Variants in DESI1 observed in about 807,000 individuals in gnomAD.
DESI1 encodes desumoylating isopeptidase 1.
Under a neutral mutation model 22.4 loss-of-function variants are expected in DESI1, and 17 were observed. The observed-to-expected ratio is 0.76, with a 90% CI of 0.52 to 1.14. The LOEUF is 1.14. Among genes scored for constraint, DESI1 ranks in the 50% most tolerant of loss-of-function variants. The pLI, the probability that DESI1 is intolerant of heterozygous loss-of-function variation, is 0.00. For missense variants in DESI1, 177 were observed against 208.9 expected, an observed-to-expected ratio of 0.85 and a Z score of 0.94; for synonymous variants, 92 against 84.2, an observed-to-expected ratio of 1.09 and a Z score of -0.51.
chr22:41,610,109 C>T (rs1419267425), intron 1 of DESI1, among the ~76,000 whole-genome samples: 11 of 123,334 alleles, frequency 8.9e-5, no homozygotes, highest in Admixed American at 3.3e-4. Flanking sequence ...AGACAAGGTA[C>T]GGTGGCTCAC....
At chr22:41,604,969 G>C (rs2147039545) in intron 3 of DESI1, among the ~76,000 whole-genome samples, 1 of 152,196 alleles carries the variant, frequency 6.6e-6, no homozygotes, top group East Asian at 1.9e-4. Flanking sequence ...TTGCAGCTCT[G>C]ACTCCTGATG....
chr22:41,619,350 A>T (rs973492013), intron 1 of DESI1, among the ~76,000 whole-genome samples: 1 of 152,226 alleles, frequency 6.6e-6, no homozygotes, highest in African/African-American at 2.4e-5. Flanking sequence ...TTAAATAGAT[A>T]TTATGTGTAT....
intron 1 of DESI1, among the ~76,000 whole-genome samples, chr22:41,618,479 C>T (rs2067563117): frequency 6.6e-6 from 1 of 152,118 alleles, no homozygotes; most frequent in African/African-American, 2.4e-5. Flanking sequence ...TTAATGTCTC[C>T]CCCATTAGAT....
chr22:41,602,468 G>T, intron 5 of DESI1: 1 of 985,468 alleles, frequency 1.0e-6, no homozygotes, highest in Non-Finnish European at 1.2e-6. Context: ...CTCTTCCTGG[G>T]AGGTGCTTCC....
chr22:41,601,132 C>G lies in DESI1; in HGVS notation c.472G>C (p.Gly158Arg). The G allele has an allele frequency of 6.2e-7, 1 of 1,613,460 alleles. No individual in the cohort carries two copies. Reference protein sequence around the residue: ...LDSIQIQPPGGSSVGRPNGQS With the variant: ...LDSIQIQPPGRSSVGRPNGQS ...CCGTTGGGTCTGCCCACGGAGCTCC[C>G]TCCTGGAGGCTGGATCTGAATGGAG... The change falls in exon 6 of 6, where the codon GGG becomes CGG. Residue 158 changes from glycine (G) to arginine (R), a missense_variant. Gly to Arg is a moderately radical substitution (Grantham distance 125, BLOSUM62 -2). Coordinates refer to ENST00000263256, the MANE Select transcript of DESI1 (RefSeq NM_015704.3).
intron 1 of DESI1, among the ~76,000 whole-genome samples, chr22:41,620,229 A>G (rs1007680405): frequency 2.6e-5 from 4 of 151,906 alleles, no homozygotes; most frequent in African/African-American, 9.7e-5. Flanking sequence ...AGGCAGCTCT[A>G]TCTCCCCCAT....
Position 41,620,773 on chromosome 22 carries a change from G to A in DESI1, c.67C>T (p.Arg23Trp), listed in dbSNP as rs1291756026. Residue 23 changes from arginine to tryptophan, a missense_variant, in exon 1 of 6, where the codon CGG (arginine) becomes TGG (tryptophan). Transcript: ENST00000263256. ...TCACCCAGCATGATGGGGCTGAGCC[G>A]CCGGGCCAGGCCTTTGGACAGGTCG... ...VYDLSKGLARRLSPIMLGKQL... is the reference protein window; with the variant it reads ...VYDLSKGLARWLSPIMLGKQL... 3 of 1,611,486 alleles carry A rather than the reference G, an allele frequency of 1.9e-6. No individual in the cohort carries two copies. The highest frequency in any genetic ancestry group is 3.3e-4 in the Middle Eastern group (2 of 6,054).
intron 1 of DESI1, among the ~76,000 whole-genome samples, chr22:41,615,520 A>G (rs778071275): frequency 6.6e-6 from 1 of 152,260 alleles, no homozygotes; most frequent in Non-Finnish European, 1.5e-5. Context: ...TGATTATTAA[A>G]TTAATTCATT....
rs527929219 is a variant in DESI1 at position 41,619,873 on chromosome 22, T to C, written c.88+879A>G. Among the ~76,000 whole-genome samples, 8 of 152,318 alleles carry C rather than the reference T, an allele frequency of 5.3e-5. No individual in the cohort carries two copies. In the South Asian group the frequency reaches 1.4e-3, roughly 28 times the overall value. On this transcript the variant is annotated intron_variant, in intron 1 of 5. Coordinates refer to ENST00000263256, the MANE Select transcript of DESI1 (RefSeq NM_015704.3). ...CTGTCAAAGCTTCAATTTTCAATAA[T>C]TGGAATTCTTTCCTGCTCATTGTTA...
chr22:41,615,646 G>A (rs993862534), intron 1 of DESI1, among the ~76,000 whole-genome samples: 1 of 152,152 alleles, frequency 6.6e-6, no homozygotes. Flanking sequence ...TAATCTTCAA[G>A]CTTAAGTTCA....
intron 3 of DESI1, among the ~76,000 whole-genome samples, chr22:41,605,067 G>A (rs1283354268): frequency 2.6e-5 from 4 of 152,170 alleles, no homozygotes; most frequent in Non-Finnish European, 5.9e-5. Flanking sequence ...GACAGAACAG[G>A]ACAACAGAAA....
chr22:41,605,471 T>C (rs2067473787), intron 3 of DESI1, among the ~76,000 whole-genome samples: 1 of 152,198 alleles, frequency 6.6e-6, no homozygotes, highest in African/African-American at 2.4e-5. Flanking sequence ...AGATCATTCA[T>C]TCATAGCCAC....
chr22:41,615,909 T>C (rs778812695), intron 1 of DESI1, among the ~76,000 whole-genome samples: 48 of 152,356 alleles, frequency 3.2e-4, no homozygotes, highest in South Asian at 2.7e-3. Flanking sequence ...GTACATTCAT[T>C]ATTTAAAGGA....
chr22:41,605,853 G>C (rs960700562), intron 3 of DESI1, among the ~76,000 whole-genome samples: 1 of 152,188 alleles, frequency 6.6e-6, no homozygotes, highest in African/African-American at 2.4e-5. Context: ...CCCGGTCTGA[G>C]GGATCAGGGA....
Position 41,620,870 on chromosome 22 carries a change from C to T in DESI1, c.-31G>A, listed in dbSNP as rs745365643. ...CCCGTGGCGACGGCGGCCACGACGG[C>T]CCTCGGGCACCCGGCAGCGGCTTGG... On this transcript the variant is annotated 5_prime_UTR_variant, in exon 1 of 6. Transcript: ENST00000263256. The T allele has an allele frequency of 7.0e-5, 111 of 1,587,376 alleles. No homozygotes were observed. The highest frequency in any genetic ancestry group is 9.1e-5 in the Non-Finnish European group (106 of 1,167,678).
chr22:41,616,224 CAA>C (rs2147049791), intron 1 of DESI1, among the ~76,000 whole-genome samples: 1 of 152,272 alleles, frequency 6.6e-6, no homozygotes, highest in South Asian at 2.1e-4. Context: ...GCCTGGGCAA[CAA>C]GAGTGAAACT....
chr22:41,614,198 G>A (rs1197763785), intron 1 of DESI1, among the ~76,000 whole-genome samples: 10 of 151,460 alleles, frequency 6.6e-5, no homozygotes, highest in East Asian at 2.0e-4. Context: ...CACCATGCCC[G>A]GCTAATTTTT....
At chr22:41,604,249 ACTT>A (rs2067466218) in intron 3 of DESI1, 96 bp from the exon 4 acceptor site, 16 of 496,578 alleles carry the variant, frequency 3.2e-5, no homozygotes, top group African/African-American at 7.3e-5. Flanking sequence ...CTCTGTTCTG[ACTT>A]TTTTTTTTTT....
intron 5 of DESI1, 59 bp downstream of exon 5, chr22:41,603,200 C>G: frequency 6.2e-7 from 1 of 1,611,610 alleles, no homozygotes; most frequent in East Asian, 2.2e-5. Flanking sequence ...GGGCACTGAC[C>G]GTGAATGGGG....
Sources: allele counts gnomAD v4.1 joint callset (sites outside exome capture counted in the v4.1 genomes callset), GRCh38; gene constraint gnomAD v4.1.1; transcripts MANE v1.5; gene names NCBI Gene and HGNC (gene_info 2026-07-23, HGNC 2026-07-21).